Variants in OR4K17 observed in about 807,000 individuals in gnomAD.
The protein encoded by OR4K17 is olfactory receptor 4K17.
For synonymous variants in OR4K17, 157 were observed against 132.8 expected, an observed-to-expected ratio of 1.18 and a Z score of -1.25; for missense variants, 480 against 366.3, an observed-to-expected ratio of 1.31 and a Z score of -2.53.
chr14:20,118,815 G>T lies in OR4K17; in HGVS notation c.*377G>T, dbSNP rs1173968838. ...GACAGAGCAAGATCACAGGACCAGGGTGAAATTAACATTGCTAATGAAGTT... is the reference window on the plus strand; with the variant it reads ...GACAGAGCAAGATCACAGGACCAGGTTGAAATTAACATTGCTAATGAAGTT... On this transcript the variant is annotated 3_prime_UTR_variant, in exon 2 of 2. Coordinates refer to ENST00000641386, the MANE Select transcript of OR4K17 (RefSeq NM_001004715.5). 6.1e-6 allele frequency: 1 copy of T among 162,928 alleles called. No individual in the cohort carries two copies. Among genetic ancestry groups the T allele is most frequent in the Non-Finnish European group, 1.3e-5 (1 of 75,060 alleles). The allele number at this position is 162,928 out of a possible 1,614,324, so 10.1% of individuals were successfully genotyped here. A position where few individuals can be genotyped will look rare whatever the true frequency, so the allele number is the denominator to read the frequency against.
chr14:20,111,127 C>G (rs905641350), intron 1 of OR4K17, among the ~76,000 whole-genome samples: 3 of 151,936 alleles, frequency 2.0e-5, no homozygotes, highest in East Asian at 1.9e-4. Context: ...GTCCAGCAAA[C>G]AGCAGAACCT....
rs1213613489 is a variant in OR4K17 at position 20,121,515 on chromosome 14, T to C, written c.*3077T>C. ...GGAGGTAGAATAAAAGTGTAGACTT[T>C]TTAAATGCAATCAAAGTTAGGTATT... On this transcript the variant is annotated 3_prime_UTR_variant, in exon 2 of 2. Transcript: ENST00000641386. 6.6e-6 allele frequency: 1 copy of C among 152,152 alleles called. No individual in the cohort carries two copies. The highest frequency in any genetic ancestry group is 1.5e-5 in the Non-Finnish European group (1 of 68,016). 9.4% of individuals were successfully genotyped at this position (152,152 alleles called of 1,614,324 possible).
chr14:20,117,933 T>C lies in OR4K17; in HGVS notation c.434T>C (p.Val145Ala), dbSNP rs757964480. 2.5e-6 allele frequency: 4 copies of C among 1,614,134 alleles called. No individual in the cohort carries two copies. The highest frequency in any genetic ancestry group is 3.4e-6 in the Non-Finnish European group (4 of 1,180,026). ...AACAAGAAGGTATGTGTTTTGCTTG[T>C]AGTGACCTCATGGCTCTTGGGTCTC... ...IMNKKVCVLLVVTSWLLGLLH... is the reference protein window; with the variant it reads ...IMNKKVCVLLAVTSWLLGLLH... The change falls in exon 2 of 2, where the codon GTA (valine) becomes GCA (alanine). Residue 145 changes from valine to alanine, a missense_variant. Physicochemically the swap from Val to Ala is moderately conservative, Grantham distance 64. Coordinates refer to ENST00000641386, the MANE Select transcript of OR4K17 (RefSeq NM_001004715.5).
chr14:20,113,925 G>C (rs1566551424), intron 1 of OR4K17, among the ~76,000 whole-genome samples: 1 of 151,940 alleles, frequency 6.6e-6, no homozygotes, highest in Admixed American at 6.6e-5. Context: ...CTAAATGTAA[G>C]TTCCTAAGCC....
At chr14:20,113,040 T>G (rs1466481388) in intron 1 of OR4K17, among the ~76,000 whole-genome samples, 2 of 152,046 alleles carry the variant, frequency 1.3e-5, no homozygotes, top group Non-Finnish European at 2.9e-5. Context: ...TGATACAATT[T>G]GTCATAGTGA....
intron 1 of OR4K17, among the ~76,000 whole-genome samples, chr14:20,111,420 T>G (rs74037239): frequency 0.052 from 7,934 of 152,006 alleles, 414 homozygotes; most frequent in African/African-American, 0.13. Context: ...ACAAGAGTAT[T>G]CATGATTTGG....
chr14:20,112,091 G>C (rs1162936721), intron 1 of OR4K17: 1 of 152,032 alleles, frequency 6.6e-6, no homozygotes, highest in Non-Finnish European at 1.5e-5. Flanking sequence ...AACAGTGGGA[G>C]GTAAGGTGTC....
Position 20,119,765 on chromosome 14 carries a change from G to T in OR4K17, c.*1327G>T, listed in dbSNP as rs529772059. On this transcript the variant is annotated 3_prime_UTR_variant, in exon 2 of 2. Coordinates refer to ENST00000641386, the MANE Select transcript of OR4K17 (RefSeq NM_001004715.5). ...AGGCAGGAGAATTGCTTGAACCCAGGAGGCAGAGGCTTCAGTGAGCTGAGT... is the reference window on the plus strand; with the variant it reads ...AGGCAGGAGAATTGCTTGAACCCAGTAGGCAGAGGCTTCAGTGAGCTGAGT... 6.6e-6 allele frequency: 1 copy of T among 152,326 alleles called. No homozygotes were observed. The highest frequency in any genetic ancestry group is 2.4e-5 in the African/African-American group (1 of 41,566). 9.4% of individuals were successfully genotyped at this position (152,326 alleles called of 1,614,324 possible).
chr14:20,113,524 A>G (rs1209638252), intron 1 of OR4K17, among the ~76,000 whole-genome samples: 1 of 151,992 alleles, frequency 6.6e-6, no homozygotes, highest in East Asian at 1.9e-4. Flanking sequence ...ATGCTGTACT[A>G]TGTGCTTTTT....
intron 1 of OR4K17, among the ~76,000 whole-genome samples, chr14:20,111,141 T>C (rs1001211242): frequency 2.6e-5 from 4 of 152,074 alleles, no homozygotes; most frequent in Non-Finnish European, 5.9e-5. Flanking sequence ...AGAACCTCAA[T>C]AAATGATTGA....
Position 20,117,742 on chromosome 14 carries a change from G to A in OR4K17, c.243G>A (p.Val81=), listed in dbSNP as rs1474357294. 6.2e-7 allele frequency: 1 copy of A among 1,614,090 alleles called. No individual in the cohort carries two copies. Among genetic ancestry groups the A allele is most frequent in the Non-Finnish European group, 8.5e-7 (1 of 1,180,006 alleles). ...MTLASFATPK[V]ILNLLKKQKV... ...TTGCTTCTTTTGCCACCCCTAAGGT[G>A]ATTCTGAACTTGTTAAAAAAGCAGA... The change falls in exon 2 of 2, where the codon GTG becomes GTA. Residue 81 remains valine, a synonymous_variant. Transcript: ENST00000641386.
At chr14:20,117,276 T>A in intron 1 of OR4K17, 192 bp from the exon 2 acceptor site, 1 of 628,514 alleles carries the variant, frequency 1.6e-6, no homozygotes, top group Non-Finnish European at 2.7e-6. Flanking sequence ...CATCAATAGG[T>A]CATTGCTCTT....
Position 20,117,879 on chromosome 14 carries a change from G to C in OR4K17, c.380G>C (p.Cys127Ser). ...SMAFDRYVAI[C>S]KPLHYMTIMN... ...GCTTTTGACAGATATGTGGCCATTT[G>C]TAAGCCCCTACACTACATGACCATC... The change falls in exon 2 of 2, where the codon TGT becomes TCT. Residue 127 changes from cysteine to serine, a missense_variant. Physicochemically the swap from Cys to Ser is moderately radical, Grantham distance 112. Coordinates refer to ENST00000641386, the MANE Select transcript of OR4K17 (RefSeq NM_001004715.5). 1.2e-6 allele frequency: 2 copies of C among 1,613,964 alleles called. No individual in the cohort carries two copies. Among genetic ancestry groups the C allele is most frequent in the African/African-American group, 1.3e-5 (1 of 74,972 alleles).
Position 20,118,623 on chromosome 14 carries a change from G to C in OR4K17, c.*185G>C. 1 of 465,802 alleles carries C rather than the reference G, an allele frequency of 2.1e-6. No individual in the cohort carries two copies. Among genetic ancestry groups the C allele is most frequent in the Non-Finnish European group, 3.8e-6 (1 of 262,518 alleles). The allele number at this position is 465,802 out of a possible 1,614,324, so 28.9% of individuals were successfully genotyped here. A position where few individuals can be genotyped will look rare whatever the true frequency, so the allele number is the denominator to read the frequency against. On this transcript the variant is annotated 3_prime_UTR_variant, in exon 2 of 2. Coordinates refer to ENST00000641386, the MANE Select transcript of OR4K17 (RefSeq NM_001004715.5). ...CAAAAGAGAGAAATTTTAAAGCTGG[G>C]TGTCCAGGGGAGACATCACATGTCA...
intron 1 of OR4K17, 100 bp from the exon 2 acceptor site, chr14:20,117,368 T>C (rs1878017289): frequency 2.8e-6 from 4 of 1,406,318 alleles, no homozygotes; most frequent in Middle Eastern, 2.1e-4. Context: ...GGTCCGTTTA[T>C]TGAAAGATCC....
Position 20,118,159 on chromosome 14 carries a change from G to C in OR4K17, c.660G>C (p.Leu220=). 6.2e-7 allele frequency: 1 copy of C among 1,614,112 alleles called. No individual in the cohort carries two copies. The highest frequency in any genetic ancestry group is 8.5e-7 in the Non-Finnish European group (1 of 1,180,012). ...CFIILLISYS[L]ILITIKNHSP... ...TTATTTTGCTTATCTCCTACAGTCT[G>C]ATCCTCATAACCATTAAGAACCACT... is the stretch of plus-strand genomic sequence containing the variant. Residue 220 remains leucine (L), a synonymous_variant, in exon 2 of 2, where the codon CTG becomes CTC. Coordinates refer to ENST00000641386, the MANE Select transcript of OR4K17 (RefSeq NM_001004715.5).
At position 20,118,253 on chromosome 14, in the gene OR4K17, G is replaced by C. The variant is rs1374414757; in HGVS notation, c.754G>C (p.Gly252Arg). The C allele has an allele frequency of 6.2e-7, 1 of 1,613,780 alleles. No individual in the cohort carries two copies. The highest frequency in any genetic ancestry group is 8.5e-7 in the Non-Finnish European group (1 of 1,179,946). Reference sequence around the variant, plus strand: ...CATCACAGTGGTGATTCTCTTCTTTGGCCCATGCATCTTTATCTACATTTG... The same window carrying C: ...CATCACAGTGGTGATTCTCTTCTTTCGCCCATGCATCTTTATCTACATTTG... ...AHITVVILFF[G>R]PCIFIYIWPF... The change falls in exon 2 of 2, where the codon GGC becomes CGC. Residue 252 changes from glycine (G) to arginine (R), a missense_variant. By Grantham distance (125) the Gly-to-Arg change is moderately radical. Coordinates refer to ENST00000641386, the MANE Select transcript of OR4K17 (RefSeq NM_001004715.5).
At position 20,120,731 on chromosome 14, in the gene OR4K17, C is replaced by A. The variant is rs969036440; in HGVS notation, c.*2293C>A. On this transcript the variant is annotated 3_prime_UTR_variant, in exon 2 of 2. Coordinates refer to ENST00000641386, the MANE Select transcript of OR4K17 (RefSeq NM_001004715.5). ...AGATCTATAGTACCTCCATTCATAC[C>A]TGCGCTTATGGCTCCAGATCCATGG... is the stretch of plus-strand genomic sequence containing the variant. The A allele has an allele frequency of 1.3e-5, 2 of 152,312 alleles. No individual in the cohort carries two copies. Among genetic ancestry groups the A allele is most frequent in the South Asian group, 4.1e-4 (2 of 4,830 alleles). 9.4% of individuals were successfully genotyped at this position (152,312 alleles called of 1,614,324 possible). A position where few individuals can be genotyped will look rare whatever the true frequency, so the allele number is the denominator to read the frequency against.
chr14:20,115,143 C>T (rs1270384222), intron 1 of OR4K17, among the ~76,000 whole-genome samples: 1 of 152,090 alleles, frequency 6.6e-6, no homozygotes, highest in Non-Finnish European at 1.5e-5. Flanking sequence ...AAAAAGCAAA[C>T]TTGCCTGTTT....
Sources: allele counts gnomAD v4.1 joint callset (sites outside exome capture counted in the v4.1 genomes callset), GRCh38; gene constraint gnomAD v4.1.1; transcripts MANE v1.5; gene names NCBI Gene and HGNC (gene_info 2026-07-23, HGNC 2026-07-21).